Variants in NSUN3 observed in about 807,000 individuals in gnomAD.
NSUN3 encodes the protein NOP2/Sun RNA methyltransferase 3, also known as tRNA (cytosine(34)-C(5))-methyltransferase, mitochondrial.
NSUN3 carries 24 observed loss-of-function variants against 36.8 expected under a neutral mutation model. That is an observed-to-expected ratio of 0.65 (90% CI 0.47 to 0.92). The LOEUF (loss-of-function observed/expected upper bound fraction) is 0.92, where lower values mean the gene tolerates loss of function less well. Among genes scored for constraint, NSUN3 ranks in the 40% least tolerant of loss-of-function variants. The pLI is 0.00. For missense variants in NSUN3, 381 were observed against 392.8 expected (o/e 0.97, Z 0.25); for synonymous variants, 146 against 145.2 (o/e 1.01, Z -0.04).
At chr3:94,106,982 T>C (rs2077392332) in intron 5 of NSUN3, among the ~76,000 whole-genome samples, 1 of 152,172 alleles carries the variant, frequency 6.6e-6, no homozygotes, top group Admixed American at 6.5e-5. Flanking sequence ...TTTTTTTTTT[T>C]TCTTGAGACA....
At chr3:94,071,922 G>A (rs1469956079) in intron 2 of NSUN3, among the ~76,000 whole-genome samples, 3 of 152,168 alleles carry the variant, frequency 2.0e-5, no homozygotes, top group East Asian at 3.9e-4. Flanking sequence ...AACCCACCCA[G>A]TGCAGGCACA....
At chr3:94,064,885 T>G (rs1355155375) in intron 2 of NSUN3, among the ~76,000 whole-genome samples, 1 of 152,198 alleles carries the variant, frequency 6.6e-6, no homozygotes, top group African/African-American at 2.4e-5. Context: ...TTGACTGATT[T>G]CTGAAATTTA....
In NSUN3 at chr3:94,130,478, A is replaced by G. The variant is rs528538578; in HGVS notation, c.*3988A>G. Among the ~76,000 whole-genome samples, 13 of 152,324 alleles carry G rather than the reference A, an allele frequency of 8.5e-5. No homozygotes were observed. The South Asian group carries it at 2.7e-3, about 32-fold the overall frequency. ...TAACAAAAACCCAGGACATTTTTGG[A>G]AATTGTATGCTCTCTAGCAACTTTG... On this transcript the variant is annotated 3_prime_UTR_variant, in exon 6 of 6. Transcript: ENST00000314622.
intron 2 of NSUN3, among the ~76,000 whole-genome samples, chr3:94,065,446 A>G (rs970800659): frequency 5.9e-5 from 9 of 152,202 alleles, no homozygotes; most frequent in African/African-American, 1.9e-4. Flanking sequence ...AGCCCACTAC[A>G]TGTTGCATGA....
At chr3:94,070,090 G>A (rs968363698) in intron 2 of NSUN3, among the ~76,000 whole-genome samples, 1 of 151,954 alleles carries the variant, frequency 6.6e-6, no homozygotes, top group Non-Finnish European at 1.5e-5. Context: ...ATCATTATCA[G>A]TAAATAGATG....
chr3:94,071,201 T>C (rs2077223820), intron 2 of NSUN3, among the ~76,000 whole-genome samples: 2 of 152,338 alleles, frequency 1.3e-5, no homozygotes, highest in South Asian at 4.1e-4. Context: ...ATCGGTTTTG[T>C]ACTAATAATA....
At chr3:94,086,322 A>G (rs1357564900) in intron 3 of NSUN3, among the ~76,000 whole-genome samples, 1 of 152,206 alleles carries the variant, frequency 6.6e-6, no homozygotes, top group Non-Finnish European at 1.5e-5. Context: ...ACATTCTACC[A>G]TAATAAGATT....
At chr3:94,121,838 A>C (rs2077463431) in intron 5 of NSUN3, among the ~76,000 whole-genome samples, 1 of 152,170 alleles carries the variant, frequency 6.6e-6, no homozygotes, top group Admixed American at 6.6e-5. Context: ...CTTAACAGTC[A>C]AAATTTTTAA....
In NSUN3 at chr3:94,129,816, T is replaced by G. The variant is rs912334654; in HGVS notation, c.*3326T>G. On this transcript the variant is annotated 3_prime_UTR_variant, in exon 6 of 6. Transcript: ENST00000314622. The stretch of plus-strand genomic sequence containing the variant: ...CCAGGCTGGATGGCGTGCAGTGGCA[T>G]GATCTCAGCTCACTGCAACCTCTGC... Among the ~76,000 whole-genome samples, 3 of 144,788 alleles carry G rather than the reference T, an allele frequency of 2.1e-5. No homozygotes were observed. Among genetic ancestry groups the G allele is most frequent in the Non-Finnish European group, 4.5e-5 (3 of 66,678 alleles). The allele number at this position is 144,788 out of a possible 152,430, so 95.0% of individuals were successfully genotyped here.
Position 94,102,202 on chromosome 3 carries a change from TAAAA to T in NSUN3, c.743+7068_743+7071del, listed in dbSNP as rs5850923. On this transcript the variant is annotated intron_variant, in intron 5 of 5. Coordinates refer to ENST00000314622, the MANE Select transcript of NSUN3 (RefSeq NM_022072.5). ...AAGAATTGTGTTTTGAAAGAAACGTTAAAAAAAAAAAAAAAAAAAAAAACACTAA... is the reference window on the plus strand; with the variant it reads ...AAGAATTGTGTTTTGAAAGAAACGTTAAAAAAAAAAAAAAAAAAACACTAA... Among the ~76,000 whole-genome samples, 533 of 101,566 alleles carry T rather than the reference TAAAA, an allele frequency of 5.2e-3. 6 individuals are homozygous for T. The highest frequency in any genetic ancestry group is 0.019 in the African/African-American group (483 of 26,016). The allele number at this position is 101,566 out of a possible 152,430, so 66.6% of individuals were successfully genotyped here.
In NSUN3 at chr3:94,084,548, T is replaced by A. The variant is rs189247233; in HGVS notation, c.466+98T>A. 1.5e-3 allele frequency: 1,344 copies of A among 921,766 alleles called. 3 individuals are homozygous for A. The highest frequency in any genetic ancestry group is 1.7e-3 in the Non-Finnish European group (1,109 of 635,558). The allele number at this position is 921,766 out of a possible 1,614,324, so 57.1% of individuals were successfully genotyped here. ...ATGGGGAGAAACGTAAGACTGAGTT[T>A]GCAAACTCAGGAAGCCTGAAAACTG... On this transcript the variant is annotated intron_variant, in intron 3 of 5. Transcript: ENST00000314622.
chr3:94,072,020 T>C (rs2077226482), intron 2 of NSUN3, among the ~76,000 whole-genome samples: 1 of 152,120 alleles, frequency 6.6e-6, no homozygotes, highest in East Asian at 1.9e-4. Context: ...ATCATATTAA[T>C]ACACAGCTTT....
intron 2 of NSUN3, among the ~76,000 whole-genome samples, chr3:94,077,497 A>G (rs1304265010): frequency 6.6e-6 from 1 of 152,222 alleles, no homozygotes; most frequent in Admixed American, 6.5e-5. Context: ...TGTTTGGAAT[A>G]GTTTCAGAAG....
chr3:94,100,977 T>A (rs1435338291), intron 5 of NSUN3, among the ~76,000 whole-genome samples: 2 of 152,062 alleles, frequency 1.3e-5, no homozygotes, highest in South Asian at 2.1e-4. Flanking sequence ...TGTTAATTTT[T>A]TTTTTATTTT....
intron 3 of NSUN3, among the ~76,000 whole-genome samples, chr3:94,090,273 T>C (rs2077309084): frequency 6.6e-6 from 1 of 152,150 alleles, no homozygotes; most frequent in Non-Finnish European, 1.5e-5. Context: ...TAAGTGTTAG[T>C]ATATATATGA....
At chr3:94,112,102 T>G (rs1196875675) in intron 5 of NSUN3, among the ~76,000 whole-genome samples, 1 of 151,824 alleles carries the variant, frequency 6.6e-6, no homozygotes, top group Non-Finnish European at 1.5e-5. Context: ...TCCAGGGAGG[T>G]CAGTCTTTTG....
At position 94,126,089 on chromosome 3, in the gene NSUN3, A is replaced by G. The variant is rs903087478; in HGVS notation, c.744-122A>G. 22 of 768,502 alleles carry G rather than the reference A, an allele frequency of 2.9e-5. No homozygotes were observed. The African/African-American group carries it at 3.4e-4, about 12-fold the overall frequency. The allele number at this position is 768,502 out of a possible 1,614,324, so 47.6% of individuals were successfully genotyped here. The stretch of plus-strand genomic sequence containing the variant: ...AAAAAAAAAAGACTAGAAAACATCC[A>G]AAGTAATTGCAGTCTAAGTCAGAGT... On this transcript the variant is annotated intron_variant, in intron 5 of 5. Transcript: ENST00000314622.
At chr3:94,111,586 T>G (rs950720882) in intron 5 of NSUN3, among the ~76,000 whole-genome samples, 12 of 152,258 alleles carry the variant, frequency 7.9e-5, no homozygotes, top group Admixed American at 1.3e-4. Context: ...AATTTAATTT[T>G]TTGTTGTTGT....
chr3:94,097,501 ATTGTTTGT>A lies in NSUN3; in HGVS notation c.743+2358_743+2365del, dbSNP rs541569280. On this transcript the variant is annotated intron_variant, in intron 5 of 5. Transcript: ENST00000314622. ...TAATCCTCTATTTCTGGATATTTAC[ATTGTTTGT>A]TTGTTTGTTTACTTTTATAAACCAT... Among the ~76,000 whole-genome samples the A allele has an allele frequency of 1.8e-4, 27 of 151,868 alleles. No homozygotes were observed. In the South Asian group the frequency reaches 4.8e-3, roughly 27 times the overall value.
Sources: gnomAD v4.1 joint callset for allele counts (sites outside exome capture counted in the v4.1 genomes callset) on GRCh38, gnomAD v4.1.1 for gene constraint, MANE v1.5 for transcripts, NCBI Gene and HGNC (gene_info 2026-07-23, HGNC 2026-07-21) for gene names.